CDH12: variants seen among roughly 807,000 people sequenced by gnomAD.
CDH12 encodes the protein cadherin-12.
CDH12 carries 41 observed loss-of-function variants against 74.1 expected under a neutral mutation model. That is an observed-to-expected ratio of 0.55 (90% confidence interval 0.43 to 0.72). CDH12 has a LOEUF of 0.72. Ranked by LOEUF, CDH12 falls within the 30% of genes least tolerant of loss-of-function variation. CDH12 has a pLI of 0.00. For synonymous variants in CDH12, 399 were observed against 355.0 expected, an observed-to-expected ratio of 1.12 and a Z score of -1.39; for missense variants, 945 against 977.2, an observed-to-expected ratio of 0.97 and a Z score of 0.44.
intron 6 of CDH12, among the ~76,000 whole-genome samples, chr5:21,960,275 C>T (rs1338421280): frequency 6.6e-6 from 1 of 152,178 alleles, no homozygotes; most frequent in Non-Finnish European, 1.5e-5. Flanking sequence ...CTAAAATTGA[C>T]CACATAATGC....
intron 2 of CDH12, among the ~76,000 whole-genome samples, chr5:22,483,507 A>G (rs1295560088): frequency 6.6e-6 from 1 of 151,202 alleles, no homozygotes; most frequent in Admixed American, 6.6e-5. Flanking sequence ...AGTGATAGAT[A>G]GTTGCTGGGC....
At chr5:22,472,216 A>C (rs1362840278) in intron 2 of CDH12, among the ~76,000 whole-genome samples, 1 of 152,152 alleles carries the variant, frequency 6.6e-6, no homozygotes, top group African/African-American at 2.4e-5. Flanking sequence ...CAGGCTAAAG[A>C]CAGGAAAGAA....
intron 1 of CDH12, among the ~76,000 whole-genome samples, chr5:22,513,056 A>T (rs564755173): frequency 6.6e-6 from 1 of 152,294 alleles, no homozygotes; most frequent in South Asian, 2.1e-4. Flanking sequence ...TAATAATAAT[A>T]ATCCCAAGAT....
chr5:22,813,369 C>G (rs552471859), intron 1 of CDH12, among the ~76,000 whole-genome samples: 1 of 152,208 alleles, frequency 6.6e-6, no homozygotes, highest in Admixed American at 6.5e-5. Flanking sequence ...TTGAAATACC[C>G]TACCTATCAT....
intron 3 of CDH12, among the ~76,000 whole-genome samples, chr5:22,361,787 C>T (rs1304343738): frequency 2.0e-5 from 3 of 152,134 alleles, no homozygotes; most frequent in Non-Finnish European, 4.4e-5. Flanking sequence ...ACATCTACCA[C>T]CATCTGATCT....
At chr5:22,584,731 A>T (rs1398761752) in intron 1 of CDH12, among the ~76,000 whole-genome samples, 1 of 151,860 alleles carries the variant, frequency 6.6e-6, no homozygotes, top group Non-Finnish European at 1.5e-5. Flanking sequence ...TTGTCATTCC[A>T]TCCTTTCTTT....
intron 4 of CDH12, among the ~76,000 whole-genome samples, chr5:22,128,833 T>G (rs1326681877): frequency 2.0e-5 from 3 of 152,324 alleles, no homozygotes; most frequent in Non-Finnish European, 4.4e-5. Flanking sequence ...CTAAATTATA[T>G]TCTAATAAGA....
intron 8 of CDH12, among the ~76,000 whole-genome samples, chr5:21,835,959 A>G (rs1418657025): frequency 1.3e-5 from 2 of 151,842 alleles, no homozygotes; most frequent in African/African-American, 2.4e-5. Flanking sequence ...ACAGGAGAAG[A>G]AAAAACATAT....
chr5:22,697,571 C>CAG (rs1742443071), intron 1 of CDH12, among the ~76,000 whole-genome samples: 1 of 102,274 alleles, frequency 9.8e-6, no homozygotes, highest in East Asian at 3.0e-4. Context: ...GACTCTGTCT[C>CAG]AAAAAAAAAA....
intron 12 of CDH12, among the ~76,000 whole-genome samples, chr5:21,762,152 T>A (rs1272946018): frequency 6.6e-6 from 1 of 152,146 alleles, no homozygotes; most frequent in Non-Finnish European, 1.5e-5. Flanking sequence ...CTAGCAACAT[T>A]ACTAAATTAA....
intron 6 of CDH12, 68 bp from the exon 7 acceptor site, chr5:21,854,858 G>A (rs1579840861): frequency 2.8e-6 from 4 of 1,443,526 alleles, no homozygotes; most frequent in Non-Finnish European, 3.8e-6. Context: ...ACTCTTATCT[G>A]CTGGACTCGA....
At chr5:22,274,532 T>C (rs1407933412) in intron 3 of CDH12, among the ~76,000 whole-genome samples, 1 of 152,076 alleles carries the variant, frequency 6.6e-6, no homozygotes, top group African/African-American at 2.4e-5. Context: ...ATCAAATATA[T>C]TAACCACAAA....
chr5:22,573,661 A>G (rs1002989100), intron 1 of CDH12, among the ~76,000 whole-genome samples: 1 of 152,192 alleles, frequency 6.6e-6, no homozygotes, highest in Non-Finnish European at 1.5e-5. Context: ...TAAGTGTACT[A>G]TTGAATATTG....
intron 6 of CDH12, among the ~76,000 whole-genome samples, chr5:21,936,571 T>C (rs1477400813): frequency 6.6e-6 from 1 of 152,180 alleles, no homozygotes; most frequent in African/African-American, 2.4e-5. Flanking sequence ...AGCACTGTCA[T>C]AGAGGTAAGA....
intron 1 of CDH12, among the ~76,000 whole-genome samples, chr5:22,519,492 C>T (rs990868198): frequency 2.0e-5 from 3 of 149,644 alleles, no homozygotes; most frequent in Non-Finnish European, 1.5e-5. Context: ...GGTGCAATCT[C>T]GGCTCACTGC....
intron 4 of CDH12, among the ~76,000 whole-genome samples, chr5:22,093,574 A>G (rs1161776732): frequency 6.6e-6 from 1 of 152,202 alleles, no homozygotes; most frequent in Non-Finnish European, 1.5e-5. Context: ...AGGTGAATAA[A>G]GACAGAGGGG....
chr5:22,367,949 C>T (rs1446586295), intron 3 of CDH12, among the ~76,000 whole-genome samples: 1 of 151,944 alleles, frequency 6.6e-6, no homozygotes. Flanking sequence ...AAACTATATA[C>T]ATTGAGGTCA....
intron 1 of CDH12, among the ~76,000 whole-genome samples, chr5:22,789,894 A>G (rs1747822942): frequency 6.6e-6 from 1 of 151,958 alleles, no homozygotes. Flanking sequence ...TTCTTAAGTT[A>G]CTTTTTCTGT....
At chr5:21,972,052 A>G (rs866594397) in intron 6 of CDH12, among the ~76,000 whole-genome samples, 1 of 152,070 alleles carries the variant, frequency 6.6e-6, no homozygotes, top group Non-Finnish European at 1.5e-5. Context: ...TTTGTACAAT[A>G]TGTTCTTTGT....
Sources: allele counts gnomAD v4.1 joint callset (sites outside exome capture counted in the v4.1 genomes callset), GRCh38; gene constraint gnomAD v4.1.1; transcripts MANE v1.5; gene names NCBI Gene and HGNC (gene_info 2026-07-23, HGNC 2026-07-21).